Variants in ALG12 observed in about 807,000 individuals in gnomAD.
ALG12 encodes the protein dol-P-Man:Man(7)GlcNAc(2)-PP-Dol alpha-1,6-mannosyltransferase.
Under a neutral mutation model 46.0 loss-of-function variants are expected in ALG12, and 36 were observed. The ratio of observed to expected loss-of-function variants is 0.78; its 90% CI spans 0.60 to 1.03. The LOEUF is 1.03. Among genes scored for constraint, ALG12 ranks in the 50% least tolerant of loss-of-function variants. The pLI is 0.00. For synonymous variants in ALG12, 326 were observed against 291.6 expected, an observed-to-expected ratio of 1.12 and a Z score of -1.20; for missense variants, 599 against 633.5, an observed-to-expected ratio of 0.95 and a Z score of 0.58.
chr22:49,911,856 C>T (rs934618972), intron 3 of ALG12, among the ~76,000 whole-genome samples: 4 of 152,214 alleles, frequency 2.6e-5, no homozygotes, highest in African/African-American at 7.2e-5. Context: ...AGCAAAGCCC[C>T]GCTTCCCCTT....
At chr22:49,867,100 A>G in the ALG12 span, among the ~76,000 whole-genome samples, 1 of 152,098 alleles carries the variant, frequency 6.6e-6, no homozygotes, top group Admixed American at 6.5e-5. Flanking sequence ...GGTGGGTTGT[A>G]TTTTTATTGT....
At chr22:49,861,279 C>G in the ALG12 span, among the ~76,000 whole-genome samples, 635 of 151,906 alleles carry the variant, frequency 4.2e-3, 1 homozygote, top group Non-Finnish European at 5.8e-3. Context: ...GTAGCTGGGA[C>G]TACAGGCACC....
downstream of ALG12, among the ~76,000 whole-genome samples, chr22:49,896,432 A>G (rs376096391): frequency 3.2e-4 from 49 of 152,198 alleles, no homozygotes; most frequent in African/African-American, 1.1e-3. Context: ...ACCTGCCCCC[A>G]GCCTCTGCCA....
chr22:49,865,770 G>T, the ALG12 span, among the ~76,000 whole-genome samples: 4 of 152,066 alleles, frequency 2.6e-5, no homozygotes, highest in African/African-American at 9.7e-5. Context: ...GGAACAAGAT[G>T]TCTTGACTTC....
the ALG12 span, chr22:49,883,539 G>A: frequency 7.5e-7 from 1 of 1,326,086 alleles, no homozygotes; most frequent in Non-Finnish European, 1.0e-6. Context: ...CATATTTCTA[G>A]AAACATCCTG....
At chr22:49,864,335 T>C in the ALG12 span, among the ~76,000 whole-genome samples, 1 of 152,226 alleles carries the variant, frequency 6.6e-6, no homozygotes, top group Non-Finnish European at 1.5e-5. Flanking sequence ...AAAATAACAA[T>C]GGCAGTACAA....
the ALG12 span, among the ~76,000 whole-genome samples, chr22:49,893,257 A>G: frequency 1.3e-5 from 2 of 152,204 alleles, no homozygotes; most frequent in South Asian, 4.1e-4. Context: ...TTTGGATGAG[A>G]TCACAGCTGA....
chr22:49,889,438 C>T, the ALG12 span: 1 of 167,082 alleles, frequency 6.0e-6, no homozygotes, highest in Non-Finnish European at 1.5e-5. Flanking sequence ...TTTGCTGGCC[C>T]TTGAGCTAGC....
chr22:49,886,253 C>T, the ALG12 span: 1 of 1,201,654 alleles, frequency 8.3e-7, no homozygotes, highest in Non-Finnish European at 1.2e-6. This position sits in a 1 kb window ranked among gnomAD's most constrained non-coding sequence, Gnocchi z 7.7. Flanking sequence ...CACCGGTCGC[C>T]CAAGGCGAAG....
the ALG12 span, among the ~76,000 whole-genome samples, chr22:49,894,938 A>G: frequency 6.6e-6 from 1 of 152,182 alleles, no homozygotes; most frequent in East Asian, 1.9e-4. Context: ...GGAGAGAGGG[A>G]GACACCCTTG....
At position 49,913,512 on chromosome 22, in the gene ALG12, G is replaced by C; in HGVS notation, c.168C>G (p.Asp56Glu). The change falls in exon 3 of 10, where the codon GAC (aspartate) becomes GAG (glutamate). Residue 56 changes from aspartate to glutamate, a missense_variant. By Grantham distance (45) the Asp-to-Glu change is conservative. Transcript: ENST00000330817. Reference sequence around the variant, plus strand: ...GGACGACTCCGGGGAACTCAAGATGGTCGTACTGCGAGGAGAAGGGCAGGT... The same window carrying C: ...GGACGACTCCGGGGAACTCAAGATGCTCGTACTGCGAGGAGAAGGGCAGGT... ...LYHWQDLEQY[D>E]HLEFPGVVPR... is the part of the protein sequence containing the mutation. The C allele has an allele frequency of 1.2e-6, 2 of 1,613,972 alleles. No individual in the cohort carries two copies. Among genetic ancestry groups the C allele is most frequent in the South Asian group, 1.1e-5 (1 of 91,088 alleles).
Position 49,910,555 on chromosome 22 carries a change from C to G in ALG12, c.348G>C (p.Lys116Asn). ...TGGCCCCGAAGTGCCGTCTCACTTCCTTTTGTAACGTCCAGAGTCCAAAAA... is the reference window on the plus strand; with the variant it reads ...TGGCCCCGAAGTGCCGTCTCACTTCGTTTTGTAACGTCCAGAGTCCAAAAA... ...GVIFGLWTLQ[K>N]EVRRHFGAMV... is the part of the protein sequence containing the mutation. The change falls in exon 4 of 10, where the codon AAG (lysine) becomes AAC (asparagine). Residue 116 changes from lysine to asparagine, a missense_variant. Physicochemically the swap from Lys to Asn is moderately conservative, Grantham distance 94. Coordinates refer to ENST00000330817, the MANE Select transcript of ALG12 (RefSeq NM_024105.4). 2 of 1,614,170 alleles carry G rather than the reference C, an allele frequency of 1.2e-6. No homozygotes were observed. The highest frequency in any genetic ancestry group is 1.7e-6 in the Non-Finnish European group (2 of 1,180,040).
In ALG12 at chr22:49,913,843, G is replaced by A. The variant is rs1265905872; in HGVS notation, c.-78C>T. On this transcript the variant is annotated splice_region_variant and 5_prime_UTR_variant, in exon 2 of 10. Coordinates refer to ENST00000330817, the MANE Select transcript of ALG12 (RefSeq NM_024105.4). ...CCGTTAGCACTGCCACTCCACGCAT[G>A]CTGGAAAAGTGGAAACAGATTCCTG... 1.3e-6 allele frequency: 2 copies of A among 1,581,932 alleles called. No homozygotes were observed. Among genetic ancestry groups the A allele is most frequent in the African/African-American group, 2.7e-5 (2 of 74,386 alleles).
the ALG12 span, among the ~76,000 whole-genome samples, chr22:49,876,722 C>T: frequency 6.6e-6 from 1 of 152,106 alleles, no homozygotes; most frequent in Admixed American, 6.5e-5. Flanking sequence ...CATGAAATCT[C>T]TCGTTTTCAT....
At chr22:49,895,110 C>T in the ALG12 span, among the ~76,000 whole-genome samples, 1 of 151,948 alleles carries the variant, frequency 6.6e-6, no homozygotes, top group Non-Finnish European at 1.5e-5. Flanking sequence ...CTTTACAGCC[C>T]ATCTTTCTAT....
chr22:49,894,818 T>C, the ALG12 span, among the ~76,000 whole-genome samples: 1 of 152,214 alleles, frequency 6.6e-6, no homozygotes, highest in Non-Finnish European at 1.5e-5. Flanking sequence ...GGCCGTCTCC[T>C]CCCTGGTTGA....
chr22:49,910,689 A>AGTTCTTTCTATATGGAGTTT, intron 3 of ALG12, 82 bp from the exon 4 acceptor site: 1 of 1,501,206 alleles, frequency 6.7e-7, no homozygotes, highest in Non-Finnish European at 9.3e-7. Context: ...TTCTACACAG[A>AGTTCTTTCTATATGGAGTTT]TCTTTCTATA....
At chr22:49,910,691 C>T (rs989000221) in intron 3 of ALG12, 84 bp from the exon 4 acceptor site, 19 of 1,502,702 alleles carry the variant, frequency 1.3e-5, no homozygotes, top group Admixed American at 1.7e-5. Flanking sequence ...CTACACAGAT[C>T]TTTCTATATG....
downstream of ALG12, among the ~76,000 whole-genome samples, chr22:49,898,685 C>T (rs1047655884): frequency 1.3e-5 from 2 of 152,314 alleles, no homozygotes; most frequent in South Asian, 2.1e-4. Context: ...CCACCACACC[C>T]GGCCAAGTGA....
Sources: allele counts gnomAD v4.1 joint callset (sites outside exome capture counted in the v4.1 genomes callset), GRCh38; gene constraint gnomAD v4.1.1; non-coding constraint Gnocchi (gnomAD v3.1); transcripts MANE v1.5; gene names NCBI Gene and HGNC (gene_info 2026-07-23, HGNC 2026-07-21).